The following TP53BP1 variants were observed in gnomAD, a reference collection of about 807,000 sequenced individuals.
TP53BP1 encodes TP53-binding protein 1.
TP53BP1 carries 61 observed loss-of-function variants against 200.8 expected under a neutral mutation model. The observed-to-expected ratio is 0.30, with a 90% confidence interval of 0.25 to 0.38. The LOEUF (loss-of-function observed/expected upper bound fraction) is 0.38. Among genes scored for constraint, TP53BP1 ranks in the 10% least tolerant of loss-of-function variants. TP53BP1 has a pLI of 1.00. For synonymous variants in TP53BP1, 822 were observed against 844.3 expected, an observed-to-expected ratio of 0.97 and a Z score of 0.46; for missense variants, 2,144 against 2,371.9, an observed-to-expected ratio of 0.90 and a Z score of 2.00.
Position 43,438,425 on chromosome 15 carries a change from A to G in TP53BP1, c.3099-9T>C. ...ACATGGTCTTCTGGGGACTAAGACA[A>G]TATATTAAAGCAATATATTGTTAAC... On this transcript the variant is annotated splice_polypyrimidine_tract_variant and intron_variant, in intron 15 of 27. Transcript: ENST00000382044. 1.2e-6 allele frequency: 2 copies of G among 1,604,766 alleles called. No individual in the cohort carries two copies. Among genetic ancestry groups the G allele is most frequent in the Non-Finnish European group, 1.7e-6 (2 of 1,174,532 alleles).
chr15:43,455,567 C>A (rs934365788), intron 12 of TP53BP1, among the ~76,000 whole-genome samples: 10 of 151,900 alleles, frequency 6.6e-5, no homozygotes, highest in African/African-American at 1.9e-4. Flanking sequence ...TAAAAATACA[C>A]AAAAATTAGC....
chr15:43,421,242 T>C, intron 19 of TP53BP1, 68 bp from the exon 20 acceptor site: 1 of 1,557,576 alleles, frequency 6.4e-7, no homozygotes, highest in South Asian at 1.2e-5. Context: ...AAGTCTCCCC[T>C]TGGCCCTCAG....
Position 43,420,545 on chromosome 15 carries a change from C to A in TP53BP1, c.4441G>T (p.Gly1481Cys), listed in dbSNP as rs781103041. 3.1e-6 allele frequency: 5 copies of A among 1,614,148 alleles called. No homozygotes were observed. Among genetic ancestry groups the A allele is most frequent in the African/African-American group, 1.3e-5 (1 of 75,022 alleles). Residue 1481 changes from glycine to cysteine, a missense_variant, in exon 21 of 28, where the codon GGC (glycine) becomes TGC (cysteine). Physicochemically the swap from Gly to Cys is radical, Grantham distance 159. This residue lies in a region of TP53BP1 where 49 missense variants were observed against 60.7 expected (regional missense o/e 0.81). Coordinates refer to ENST00000382044, the MANE Select transcript of TP53BP1 (RefSeq NM_001141980.3). The part of the protein sequence containing the change: ...PFQAAAGPSD[G>C]LDASSPGNSF... ...TTTCCTGGAGAGGAGGCATCTAAGCCATCAGAAGGGCCAGCAGCAGCCTGG... is the reference window on the plus strand; with the variant it reads ...TTTCCTGGAGAGGAGGCATCTAAGCAATCAGAAGGGCCAGCAGCAGCCTGG...
intron 4 of TP53BP1, among the ~76,000 whole-genome samples, chr15:43,482,280 A>G (rs1356919917): frequency 6.6e-6 from 1 of 152,190 alleles, no homozygotes; most frequent in Non-Finnish European, 1.5e-5. Flanking sequence ...CTATAAATTC[A>G]GCATTAAGGA....
At chr15:43,500,261 C>A (rs2079202712) in intron 1 of TP53BP1, among the ~76,000 whole-genome samples, 1 of 152,194 alleles carries the variant, frequency 6.6e-6, no homozygotes, top group Non-Finnish European at 1.5e-5. Flanking sequence ...TTGATGGCAA[C>A]TTCACCCTTC....
At chr15:43,482,108 A>G (rs1475554393) in intron 4 of TP53BP1, among the ~76,000 whole-genome samples, 2 of 151,634 alleles carry the variant, frequency 1.3e-5, no homozygotes, top group African/African-American at 2.4e-5. Flanking sequence ...AGGTGCCTGT[A>G]GTCCCAGCTA....
chr15:43,474,138 C>T (rs2046793943), intron 10 of TP53BP1, among the ~76,000 whole-genome samples: 1 of 152,156 alleles, frequency 6.6e-6, no homozygotes, highest in African/African-American at 2.4e-5. Context: ...CCCCTCATTG[C>T]CCGGGGGGCC....
Position 43,405,565 on chromosome 15 carries a change from C to T in TP53BP1, c.*1818G>A, listed in dbSNP as rs1295956526. 4.0e-6 allele frequency: 1 copy of T among 252,132 alleles called. No homozygotes were observed. The highest frequency in any genetic ancestry group is 5.0e-5 in the Admixed American group (1 of 19,890). 15.6% of individuals were successfully genotyped at this position (252,132 alleles called of 1,614,324 possible). A position where few individuals can be genotyped will look rare whatever the true frequency, so the allele number is the denominator to read the frequency against. ...ACAGCGGTAAACAAACAATATAGAGCAGAAAGTTAAATATTTTATGGTTCA... is the reference window on the plus strand; with the variant it reads ...ACAGCGGTAAACAAACAATATAGAGTAGAAAGTTAAATATTTTATGGTTCA... On this transcript the variant is annotated 3_prime_UTR_variant, in exon 28 of 28. Coordinates refer to ENST00000382044, the MANE Select transcript of TP53BP1 (RefSeq NM_001141980.3).
chr15:43,475,572 G>T lies in TP53BP1; in HGVS notation c.1078C>A (p.Leu360Ile). 6.2e-7 allele frequency: 1 copy of T among 1,614,102 alleles called. No individual in the cohort carries two copies. Among genetic ancestry groups the T allele is most frequent in the Non-Finnish European group, 8.5e-7 (1 of 1,180,010 alleles). Residue 360 changes from leucine to isoleucine, a missense_variant, in exon 9 of 28, where the codon CTT (leucine) becomes ATT (isoleucine). Leu to Ile is a conservative substitution (Grantham distance 5). Coordinates refer to ENST00000382044, the MANE Select transcript of TP53BP1 (RefSeq NM_001141980.3). ...SGQRSLVQDS[L>I]STNSSDLVAP... Reference sequence around the variant, plus strand: ...TATTTTAGGCTTACTTACGTGGAAAGACTGTCCTGAACAAGGGACCTCTGA... The same window carrying T: ...TATTTTAGGCTTACTTACGTGGAAATACTGTCCTGAACAAGGGACCTCTGA...
chr15:43,429,599 G>A (rs979059786), intron 17 of TP53BP1, among the ~76,000 whole-genome samples: 2 of 152,046 alleles, frequency 1.3e-5, no homozygotes, highest in African/African-American at 2.4e-5. Flanking sequence ...TAATTTCTCC[G>A]AATAATCCCC....
chr15:43,441,197 C>G (rs1404738629), intron 15 of TP53BP1: 1 of 213,612 alleles, frequency 4.7e-6, no homozygotes, highest in Non-Finnish European at 9.3e-6. Flanking sequence ...TCTTGTTAAT[C>G]CTTCTTTTTC....
chr15:43,463,879 T>C (rs892346647), intron 11 of TP53BP1, among the ~76,000 whole-genome samples: 1 of 152,148 alleles, frequency 6.6e-6, no homozygotes, highest in African/African-American at 2.4e-5. Flanking sequence ...AAAATCTACA[T>C]ATTGAATGAA....
chr15:43,404,231 G>C lies in TP53BP1; in HGVS notation c.*3152C>G. The C allele has an allele frequency of 1.6e-6, 1 of 628,628 alleles. No individual in the cohort carries two copies. The highest frequency in any genetic ancestry group is 2.7e-6 in the Non-Finnish European group (1 of 370,110). 38.9% of individuals were successfully genotyped at this position (628,628 alleles called of 1,614,324 possible). A position where few individuals can be genotyped will look rare whatever the true frequency, so the allele number is the denominator to read the frequency against. ...AAAGAGTACTTTCATAGGAAGTCAT[G>C]CATGTATGGATTTGGTACAAGTCAT... On this transcript the variant is annotated 3_prime_UTR_variant, in exon 28 of 28. Transcript: ENST00000382044.
At chr15:43,495,939 TG>T (rs1232016592), upstream of TP53BP1, among the ~76,000 whole-genome samples, 2 of 152,194 alleles carry the variant, frequency 1.3e-5, no homozygotes, top group African/African-American at 4.8e-5. Context: ...ATTAATTCCT[TG>T]TTAGGCAGTG....
chr15:43,499,036 A>C (rs2079196265), intron 1 of TP53BP1, among the ~76,000 whole-genome samples: 1 of 152,110 alleles, frequency 6.6e-6, no homozygotes, highest in African/African-American at 2.4e-5. Context: ...AAAAAAACAA[A>C]ACAAACCAGT....
intron 6 of TP53BP1, 31 bp from the exon 7 acceptor site, chr15:43,479,557 A>T: frequency 6.3e-7 from 1 of 1,591,844 alleles, no homozygotes; most frequent in Non-Finnish European, 8.5e-7. Flanking sequence ...CAGGAAGGAG[A>T]TAATTAAGTT....
intron 9 of TP53BP1, 136 bp from the exon 10 acceptor site, chr15:43,474,903 C>G (rs137888098): frequency 1.8e-6 from 1 of 563,338 alleles, no homozygotes; most frequent in African/African-American, 1.9e-5. Context: ...TCCCCAACAG[C>G]AACCTGAGGC....
rs932706309 is a variant in TP53BP1 at position 43,492,305 on chromosome 15, C to T, written c.171G>A (p.Thr57=). Residue 57 remains threonine, a synonymous_variant, in exon 2 of 28, where the codon ACG becomes ACA. Transcript: ENST00000382044. The stretch of plus-strand genomic sequence containing the variant: ...TCACCAACACAGGATTTTCTTTGTG[C>T]GTCTGGAGATTAGGAAGGTGTCGAG... ...MLSRHLPNLQ[T]HKENPVLDVV... is the part of the protein sequence containing the mutation. 1 of 1,613,806 alleles carries T rather than the reference C, an allele frequency of 6.2e-7. No homozygotes were observed. Among genetic ancestry groups the T allele is most frequent in the Non-Finnish European group, 8.5e-7 (1 of 1,179,914 alleles).
intron 18 of TP53BP1, among the ~76,000 whole-genome samples, chr15:43,424,188 C>T (rs2045473372): frequency 6.6e-6 from 1 of 152,210 alleles, no homozygotes; most frequent in Non-Finnish European, 1.5e-5. Context: ...TCAGCCGAAC[C>T]TCCATTCAAG....
Sources: gnomAD v4.1 joint callset for allele counts (sites outside exome capture counted in the v4.1 genomes callset) on GRCh38, gnomAD v4.1.1 for gene constraint, gnomAD v4.1.1 regional missense constraint, MANE v1.5 for transcripts, NCBI Gene and HGNC (gene_info 2026-07-23, HGNC 2026-07-21) for gene names.